GRAMD1A: variants seen among roughly 807,000 people sequenced by gnomAD.
GRAMD1A encodes GRAM domain containing 1A.
GRAMD1A carries 50 observed loss-of-function variants against 92.0 expected under a neutral mutation model. The ratio of observed to expected loss-of-function variants is 0.54; its 90% CI spans 0.43 to 0.69. The LOEUF (loss-of-function observed/expected upper bound fraction) is 0.69, where lower values mean the gene tolerates loss of function less well. GRAMD1A is among the 30% of genes least tolerant of loss of function. The pLI is 0.00. For synonymous variants in GRAMD1A, 405 were observed against 403.6 expected, an observed-to-expected ratio of 1.00 and a Z score of -0.04; for missense variants, 819 against 978.9, an observed-to-expected ratio of 0.84 and a Z score of 2.18.
In GRAMD1A at chr19:35,022,020, T is replaced by C. The variant is rs1600338474; in HGVS notation, c.1823T>C (p.Leu608Pro). The change falls in exon 16 of 20, where the codon CTG becomes CCG. Residue 608 changes from leucine (L) to proline (P), a missense_variant. Around this residue, in one of 3 missense-constraint regions of GRAMD1A, gnomAD observed 577 missense variants for 674.6 expected, o/e 0.86. Coordinates refer to ENST00000317991, the MANE Select transcript of GRAMD1A (RefSeq NM_020895.5). ...QGPGAGIPSA[L>P]VLISIVICVS... is the part of the protein sequence containing the mutation. ...CCCGGGGCAGGCATCCCCAGTGCCCTGGTTCTCATCAGCATTGTGTGAGTA... is the reference window on the plus strand; with the variant it reads ...CCCGGGGCAGGCATCCCCAGTGCCCCGGTTCTCATCAGCATTGTGTGAGTA... 1.2e-6 allele frequency: 2 copies of C among 1,613,242 alleles called. No individual in the cohort carries two copies. The highest frequency in any genetic ancestry group is 2.2e-5 in the East Asian group (1 of 44,884).
upstream of GRAMD1A, chr19:34,996,206 G>A (rs1312166173): frequency 1.3e-6 from 2 of 1,535,798 alleles, no homozygotes; most frequent in Non-Finnish European, 8.7e-7. Context: ...GCCATCCAGT[G>A]ATGGGGAGTC....
rs761815897 is a variant in GRAMD1A at position 35,026,379 on chromosome 19, C to T, written c.*238C>T. The T allele has an allele frequency of 3.7e-4, 211 of 574,750 alleles. No individual in the cohort carries two copies. Among genetic ancestry groups the T allele is most frequent in the Middle Eastern group, 2.8e-3 (6 of 2,152 alleles). The allele number at this position is 574,750 out of a possible 1,614,324, so 35.6% of individuals were successfully genotyped here. On this transcript the variant is annotated 3_prime_UTR_variant, in exon 20 of 20. Coordinates refer to ENST00000317991, the MANE Select transcript of GRAMD1A (RefSeq NM_020895.5). Reference sequence around the variant, plus strand: ...TTTGCCCGGCTGAGGTTGTGGGGGGCGCCTCCTGGGGTGCACGATTCCCTC... The same window carrying T: ...TTTGCCCGGCTGAGGTTGTGGGGGGTGCCTCCTGGGGTGCACGATTCCCTC...
chr19:35,004,434 A>G (rs1460254879), intron 1 of GRAMD1A, among the ~76,000 whole-genome samples: 1 of 151,922 alleles, frequency 6.6e-6, no homozygotes, highest in Non-Finnish European at 1.5e-5. Context: ...TGCCTTTTGA[A>G]CACTTTCCAA....
intron 1 of GRAMD1A, among the ~76,000 whole-genome samples, chr19:34,995,039 A>T (rs899609855): frequency 6.6e-6 from 1 of 152,216 alleles, no homozygotes; most frequent in African/African-American, 2.4e-5. Flanking sequence ...CATCACAGCC[A>T]CAGAGCAGAA....
chr19:35,023,482 T>C lies in GRAMD1A; in HGVS notation c.2017T>C (p.Phe673Leu), dbSNP rs1278332624. ...WAEILALQKQ[F>L]HSVEVHKWRQ... is the part of the protein sequence containing the mutation. ...CGAGATCCTGGCGCTGCAGAAGCAA[T>C]TCCACAGCGTGGAGGTGCACAAGTG... Residue 673 changes from phenylalanine (F) to leucine (L), a missense_variant, in exon 19 of 20, where the codon TTC (phenylalanine) becomes CTC (leucine). Physicochemically the swap from Phe to Leu is conservative, Grantham distance 22 (BLOSUM62 0). Around this residue, in one of 3 missense-constraint regions of GRAMD1A, gnomAD observed 577 missense variants for 674.6 expected, o/e 0.86. Transcript: ENST00000317991. The C allele has an allele frequency of 6.3e-7, 1 of 1,587,828 alleles. No homozygotes were observed. Among genetic ancestry groups the C allele is most frequent in the Non-Finnish European group, 8.6e-7 (1 of 1,167,118 alleles).
chr19:35,018,893 G>A (rs1447173504), intron 11 of GRAMD1A, among the ~76,000 whole-genome samples: 1 of 151,816 alleles, frequency 6.6e-6, no homozygotes, highest in Non-Finnish European at 1.5e-5. Context: ...TGTGGAGCTC[G>A]GTGGGTTCGA....
chr19:34,999,955 T>G, upstream of GRAMD1A: 1 of 982,928 alleles, frequency 1.0e-6, no homozygotes, highest in Admixed American at 6.1e-5. Flanking sequence ...GCATCTCCAG[T>G]CCTCCCCCAC....
At chr19:34,995,586 T>TTTTG (rs2014003877), upstream of GRAMD1A, among the ~76,000 whole-genome samples, 8 of 144,134 alleles carry the variant, frequency 5.6e-5, 1 homozygote, top group African/African-American at 2.1e-4. Context: ...TTTTTTTTTT[T>TTTTG]TTTTTTTTTT....
chr19:35,011,919 C>T (rs995590648), intron 7 of GRAMD1A, among the ~76,000 whole-genome samples: 26 of 152,242 alleles, frequency 1.7e-4, no homozygotes, highest in African/African-American at 5.5e-4. Context: ...TCCGGCTGAG[C>T]GGCACTCACG....
rs1302004654 is a variant in GRAMD1A, at chr19:35,026,188, C to A, written c.*47C>A. ...TCCCCCACATGGACAGATGGACACA[C>A]AGAGCCTCGGCGGCCACTGCTGGCA... is the stretch of plus-strand genomic sequence containing the variant. On this transcript the variant is annotated 3_prime_UTR_variant, in exon 20 of 20. Transcript: ENST00000317991. The A allele has an allele frequency of 1.0e-6, 1 of 1,000,752 alleles. No individual in the cohort carries two copies. The highest frequency in any genetic ancestry group is 1.3e-5 in the South Asian group (1 of 78,690). The allele number at this position is 1,000,752 out of a possible 1,614,324, so 62.0% of individuals were successfully genotyped here. A position where few individuals can be genotyped will look rare whatever the true frequency, so the allele number is the denominator to read the frequency against.
At chr19:35,019,072 G>A (rs1236650744) in intron 11 of GRAMD1A, 119 bp from the exon 12 acceptor site, 1 of 701,298 alleles carries the variant, frequency 1.4e-6, no homozygotes, top group African/African-American at 1.8e-5. Flanking sequence ...TGGGGACACA[G>A]AGGAGTGGTG....
At chr19:34,995,636 C>T (rs1309146047), upstream of GRAMD1A, among the ~76,000 whole-genome samples, 2 of 137,868 alleles carry the variant, frequency 1.5e-5, no homozygotes, top group Non-Finnish European at 3.0e-5. Flanking sequence ...GGCTGGAGTG[C>T]AATGGCACAA....
At position 35,012,012 on chromosome 19, in the gene GRAMD1A, C is replaced by T. The variant is rs559519485; in HGVS notation, c.606+458C>T. Among the ~76,000 whole-genome samples the T allele has an allele frequency of 4.7e-4, 72 of 152,330 alleles. 1 individual carries two copies. Among genetic ancestry groups the T allele is most frequent in the South Asian group, 4.3e-3 (21 of 4,830 alleles). Reference sequence around the variant, plus strand: ...ATTCAGCATCCTGAGAGAGGGACAGCGCACAGTCAGGCCCTAAGGAGGACA... The same window carrying T: ...ATTCAGCATCCTGAGAGAGGGACAGTGCACAGTCAGGCCCTAAGGAGGACA... On this transcript the variant is annotated intron_variant, in intron 7 of 19. Transcript: ENST00000317991.
intron 1 of GRAMD1A, among the ~76,000 whole-genome samples, chr19:35,004,693 A>G (rs2014669865): frequency 6.6e-6 from 1 of 151,990 alleles, no homozygotes; most frequent in Admixed American, 6.6e-5. Flanking sequence ...CATCAGGCGT[A>G]GTGCTTGTGA....
rs558532151 is a variant in GRAMD1A, at chr19:35,023,384, T to C, written c.1961+41T>C. On this transcript the variant is annotated intron_variant, in intron 18 of 19. Transcript: ENST00000317991. ...GGGGAAATGGGGGGGCTTGGGCACATCGGGGGAGGCCAAGGCCCTGCTCAG... is the reference window on the plus strand; with the variant it reads ...GGGGAAATGGGGGGGCTTGGGCACACCGGGGGAGGCCAAGGCCCTGCTCAG... The C allele has an allele frequency of 1.9e-6, 3 of 1,613,200 alleles. No individual in the cohort carries two copies. In the African/African-American group the frequency reaches 4.0e-5, roughly 22 times the overall value.
At chr19:35,022,761 C>A in intron 16 of GRAMD1A, 139 bp from the exon 17 acceptor site, 2 of 648,258 alleles carry the variant, frequency 3.1e-6, no homozygotes, top group Admixed American at 3.3e-5. Context: ...AGCCTCTGAG[C>A]CTCAGCTCTC....
intron 7 of GRAMD1A, among the ~76,000 whole-genome samples, chr19:35,012,048 C>T (rs536039846): frequency 6.6e-6 from 1 of 152,330 alleles, no homozygotes; most frequent in African/African-American, 2.4e-5. Flanking sequence ...GGGCAGAGCC[C>T]CGGGATTCCA....
At chr19:34,994,995 C>T (rs946289545) in intron 1 of GRAMD1A, among the ~76,000 whole-genome samples, 4 of 152,176 alleles carry the variant, frequency 2.6e-5, no homozygotes, top group South Asian at 2.1e-4. Context: ...AGAGAGACTG[C>T]GGTCTGGCCT....
upstream of GRAMD1A, chr19:34,995,983 C>T (rs1015149413): frequency 4.7e-6 from 7 of 1,483,050 alleles, no homozygotes; most frequent in Admixed American, 1.2e-4. Context: ...TCTCTTTTTT[C>T]TCTTTCCCAG....
Sources: allele counts gnomAD v4.1 joint callset (sites outside exome capture counted in the v4.1 genomes callset), GRCh38; gene constraint gnomAD v4.1.1; regional missense constraint gnomAD v4.1.1; transcripts MANE v1.5; gene names NCBI Gene and HGNC (gene_info 2026-07-23, HGNC 2026-07-21).